BRINP1: variants seen among roughly 807,000 people sequenced by gnomAD.
The protein encoded by BRINP1 is BMP/retinoic acid-inducible neural-specific protein 1.
A neutral mutation model predicts 72.9 loss-of-function variants in BRINP1; 17 were observed. That is an observed-to-expected ratio of 0.23 (90% CI 0.16 to 0.35). The LOEUF (loss-of-function observed/expected upper bound fraction) is 0.35. Among genes scored for constraint, BRINP1 ranks in the 10% least tolerant of loss-of-function variants. The pLI, the probability that BRINP1 is intolerant of heterozygous loss-of-function variation, is 1.00. For missense variants in BRINP1, 850 were observed against 1,001.6 expected (o/e 0.85, Z 2.04); for synonymous variants, 418 against 378.5 (o/e 1.10, Z -1.21).
At chr9:119,352,639 C>T (rs2119034028) in intron 1 of BRINP1, among the ~76,000 whole-genome samples, 1 of 152,264 alleles carries the variant, frequency 6.6e-6, no homozygotes, top group Non-Finnish European at 1.5e-5. Context: ...AACTCCTGAC[C>T]TCAGGTGATC....
At chr9:119,177,083 G>T (rs1329085143) in intron 7 of BRINP1, among the ~76,000 whole-genome samples, 1 of 152,136 alleles carries the variant, frequency 6.6e-6, no homozygotes, top group African/African-American at 2.4e-5. Context: ...CCCAGAGGCT[G>T]GCTCTACAAA....
intron 2 of BRINP1, among the ~76,000 whole-genome samples, chr9:119,299,222 A>G (rs1830913861): frequency 6.6e-6 from 1 of 152,134 alleles, no homozygotes; most frequent in Non-Finnish European, 1.5e-5. Flanking sequence ...TTTGACAAAC[A>G]TCTTTCCAAT....
chr9:119,174,461 G>A (rs1357155432), intron 7 of BRINP1, among the ~76,000 whole-genome samples: 2 of 147,652 alleles, frequency 1.4e-5, no homozygotes, highest in South Asian at 2.2e-4. Flanking sequence ...AAAAAGTCAG[G>A]AAACAACAGG....
At chr9:119,207,795 TC>T (rs1288299688) in intron 7 of BRINP1, among the ~76,000 whole-genome samples, 1 of 152,184 alleles carries the variant, frequency 6.6e-6, no homozygotes, top group Non-Finnish European at 1.5e-5. Context: ...TAAGAGTGGA[TC>T]TTTTTCTTAG....
intron 1 of BRINP1, among the ~76,000 whole-genome samples, chr9:119,359,335 A>G (rs1831605662): frequency 6.6e-6 from 1 of 152,196 alleles, no homozygotes; most frequent in South Asian, 2.1e-4. Flanking sequence ...AGCCAGGACT[A>G]CAGGCATATG....
chr9:119,331,102 A>G (rs1831296249), intron 1 of BRINP1, among the ~76,000 whole-genome samples: 2 of 152,180 alleles, frequency 1.3e-5, no homozygotes, highest in African/African-American at 2.4e-5. Flanking sequence ...TCCCACATTC[A>G]GTTCTTGTAG....
chr9:119,260,036 A>G (rs1243178344), intron 2 of BRINP1, among the ~76,000 whole-genome samples: 2 of 152,202 alleles, frequency 1.3e-5, no homozygotes, highest in African/African-American at 4.8e-5. Context: ...TCATTTTCCT[A>G]TAAAGAAATA....
intron 2 of BRINP1, among the ~76,000 whole-genome samples, chr9:119,292,995 C>T (rs1456041554): frequency 6.6e-6 from 1 of 152,118 alleles, no homozygotes; most frequent in East Asian, 1.9e-4. Context: ...TGAATGGCTA[C>T]TATATATCGG....
chr9:119,174,639 A>G (rs1352671343), intron 7 of BRINP1, among the ~76,000 whole-genome samples: 2 of 148,232 alleles, frequency 1.3e-5, no homozygotes, highest in Admixed American at 6.7e-5. Flanking sequence ...AGGATTATAA[A>G]TCATGCTGCT....
At chr9:119,255,261 A>G (rs1278734820) in intron 2 of BRINP1, among the ~76,000 whole-genome samples, 1 of 152,226 alleles carries the variant, frequency 6.6e-6, no homozygotes, top group East Asian at 1.9e-4. Flanking sequence ...AGGAGAAGGC[A>G]GAACTCACAA....
intron 1 of BRINP1, among the ~76,000 whole-genome samples, chr9:119,324,314 A>G (rs1405452707): frequency 6.6e-6 from 1 of 152,204 alleles, no homozygotes; most frequent in Non-Finnish European, 1.5e-5. Flanking sequence ...TGAAGTGAAG[A>G]GCAGAAGCCC....
intron 5 of BRINP1, among the ~76,000 whole-genome samples, chr9:119,233,961 G>A (rs1830169946): frequency 6.6e-6 from 1 of 152,042 alleles, no homozygotes; most frequent in Non-Finnish European, 1.5e-5. Flanking sequence ...CCATATTGTT[G>A]TATGAAACAG....
chr9:119,358,416 A>G (rs4618771), intron 1 of BRINP1, among the ~76,000 whole-genome samples: 141,646 of 149,702 alleles, frequency 0.95, 67,551 homozygotes, highest in East Asian at 1. Context: ...AGGAGAGTCC[A>G]GGCATAGTGG....
At chr9:119,176,753 C>G (rs1467546240) in intron 7 of BRINP1, among the ~76,000 whole-genome samples, 1 of 152,180 alleles carries the variant, frequency 6.6e-6, no homozygotes. Context: ...TATTGAGACA[C>G]TCTCGGGGAT....
intron 2 of BRINP1, among the ~76,000 whole-genome samples, chr9:119,257,022 T>C (rs906180363): frequency 3.9e-5 from 6 of 152,174 alleles, no homozygotes; most frequent in Admixed American, 6.5e-5. Flanking sequence ...TGGGTTAAAA[T>C]AGAAAATGAA....
chr9:119,263,187 G>C (rs1026382178), intron 2 of BRINP1, among the ~76,000 whole-genome samples: 1 of 152,122 alleles, frequency 6.6e-6, no homozygotes, highest in Non-Finnish European at 1.5e-5. Context: ...TCACAATTTG[G>C]TGAGAATCCA....
chr9:119,320,564 A>C (rs1831175952), intron 1 of BRINP1, among the ~76,000 whole-genome samples: 1 of 152,138 alleles, frequency 6.6e-6, no homozygotes, highest in South Asian at 2.1e-4. Context: ...AGCAGGTCAG[A>C]GGGCTGAGAG....
chr9:119,254,045 A>G (rs1830420900), intron 2 of BRINP1, among the ~76,000 whole-genome samples: 1 of 152,202 alleles, frequency 6.6e-6, no homozygotes, highest in African/African-American at 2.4e-5. Flanking sequence ...AAAGGGCTCA[A>G]TAGCACCCAG....
chr9:119,183,944 C>T lies in BRINP1; in HGVS notation c.1146-15720G>A, dbSNP rs75709243. On this transcript the variant is annotated intron_variant, in intron 7 of 7. Coordinates refer to ENST00000265922, the MANE Select transcript of BRINP1 (RefSeq NM_014618.3). ...GCAGGACGTGGAGGGTGGAGGTAGA[C>T]AGGAGAATTGGGTGATGGCTCTGAC... Among the ~76,000 whole-genome samples, 93 of 152,114 alleles carry T rather than the reference C, an allele frequency of 6.1e-4. No homozygotes were observed. The East Asian group carries it at 0.013, about 22-fold the overall frequency.
Sources: allele counts gnomAD v4.1 joint callset (sites outside exome capture counted in the v4.1 genomes callset), GRCh38; gene constraint gnomAD v4.1.1; transcripts MANE v1.5; gene names NCBI Gene and HGNC (gene_info 2026-07-23, HGNC 2026-07-21).